QSOX1: variants seen among roughly 807,000 people sequenced by gnomAD.
QSOX1 encodes the protein sulfhydryl oxidase 1.
Under a neutral mutation model 76.1 loss-of-function variants are expected in QSOX1, and 40 were observed. The ratio of observed to expected loss-of-function variants is 0.53; its 90% confidence interval spans 0.41 to 0.68. The LOEUF is 0.68. QSOX1 is among the 30% of genes least tolerant of loss of function. The pLI, the probability that QSOX1 is intolerant of heterozygous loss-of-function variation, is 0.00. For missense variants in QSOX1, 931 were observed against 974.3 expected (o/e 0.96, Z 0.59); for synonymous variants, 392 against 413.1 (o/e 0.95, Z 0.62).
chr1:180,177,551 A>G (rs751130567), intron 4 of QSOX1, among the ~76,000 whole-genome samples: 1 of 152,218 alleles, frequency 6.6e-6, no homozygotes, highest in African/African-American at 2.4e-5. Flanking sequence ...CACTGCACCC[A>G]GCCCAAAGCA....
intron 8 of QSOX1, among the ~76,000 whole-genome samples, chr1:180,186,567 G>C (rs373132995): frequency 6.6e-6 from 1 of 152,194 alleles, no homozygotes; most frequent in Non-Finnish European, 1.5e-5. Flanking sequence ...ACACCCTGGC[G>C]AAGGAGAGGA....
chr1:180,195,975 A>G (rs1319355969), intron 11 of QSOX1, among the ~76,000 whole-genome samples: 2 of 152,162 alleles, frequency 1.3e-5, no homozygotes, highest in African/African-American at 4.8e-5. Flanking sequence ...GGTCTGGCCA[A>G]CACCGGGAAA....
At chr1:180,190,348 A>C in intron 9 of QSOX1, 85 bp from the exon 10 acceptor site, 1 of 1,457,734 alleles carries the variant, frequency 6.9e-7, no homozygotes, top group Non-Finnish European at 9.5e-7. Flanking sequence ...CATTTGTCTT[A>C]GGGCTGTCTC....
chr1:180,196,165 G>T lies in QSOX1; in HGVS notation c.1469-97G>T. On this transcript the variant is annotated intron_variant, in intron 11 of 11. Coordinates refer to ENST00000367602, the MANE Select transcript of QSOX1 (RefSeq NM_002826.5). This position sits in a 1 kb window ranked among gnomAD's most constrained non-coding sequence, Gnocchi z 4.1. ...GGAAGGGCAGTGGCGAGCCCTTTCT[G>T]CAGACAAGGAAGCTGGCGTTCTGAG... is the stretch of plus-strand genomic sequence containing the variant. The T allele has an allele frequency of 6.9e-7, 1 of 1,446,758 alleles. No individual in the cohort carries two copies. The highest frequency in any genetic ancestry group is 9.3e-7 in the Non-Finnish European group (1 of 1,071,480). 89.6% of individuals were successfully genotyped at this position (1,446,758 alleles called of 1,614,324 possible).
intron 1 of QSOX1, among the ~76,000 whole-genome samples, chr1:180,158,953 C>T (rs1041914611): frequency 3.9e-5 from 6 of 152,218 alleles, no homozygotes; most frequent in Admixed American, 1.3e-4. Context: ...GTGGAGCTCA[C>T]GGTGCTGCAG....
At chr1:180,166,878 C>G (rs956146839) in intron 2 of QSOX1, among the ~76,000 whole-genome samples, 1 of 152,188 alleles carries the variant, frequency 6.6e-6, no homozygotes, top group African/African-American at 2.4e-5. Flanking sequence ...GCCTAGTGGT[C>G]CCCCACAAAG....
At chr1:180,177,907 G>A (rs1160132988) in intron 4 of QSOX1, among the ~76,000 whole-genome samples, 1 of 151,984 alleles carries the variant, frequency 6.6e-6, no homozygotes, top group Non-Finnish European at 1.5e-5. Context: ...TTGGAAACTG[G>A]GCCTCAGTTT....
chr1:180,173,311 T>TGAAAATACATG lies in QSOX1; in HGVS notation c.367-2010_367-2009insGAAAATACATG, dbSNP rs368090159. ...AAACCCCAAATAGATGTATCTTCAATTTTGTTCATGAAAAAGTGTCAGTCC... is the reference window on the plus strand; with the variant it reads ...AAACCCCAAATAGATGTATCTTCAATGAAAATACATGTTTGTTCATGAAAAAGTGTCAGTCC... On this transcript the variant is annotated intron_variant, in intron 2 of 11. Transcript: ENST00000367602. 6.1e-3 allele frequency among the ~76,000 whole-genome samples: 924 copies of TGAAAATACATG among 152,212 alleles called. 9 individuals are homozygous for TGAAAATACATG. Among genetic ancestry groups the TGAAAATACATG allele is most frequent in the African/African-American group, 0.021 (874 of 41,518 alleles).
chr1:180,183,920 A>G lies in QSOX1; in HGVS notation c.757A>G (p.Met253Val). Residue 253 changes from methionine (M) to valine (V), a missense_variant, in exon 7 of 12, where the codon ATG becomes GTG. Met to Val is a conservative substitution (Grantham distance 21). Transcript: ENST00000367602. The part of the protein sequence containing the change: ...NGSVSRVPVL[M>V]ESRSFYTAYL... ...CCTGGTTCTGTGCCCTCACAGGCTC[A>G]TGGAATCCAGGTCCTTCTATACCGC... is the stretch of plus-strand genomic sequence containing the variant. 1 of 1,613,448 alleles carries G rather than the reference A, an allele frequency of 6.2e-7. No homozygotes were observed. The highest frequency in any genetic ancestry group is 8.5e-7 in the Non-Finnish European group (1 of 1,179,478).
chr1:180,166,653 A>G lies in QSOX1; in HGVS notation c.366+62A>G, dbSNP rs1004249475. 3.1e-5 allele frequency: 46 copies of G among 1,504,062 alleles called. 1 individual carries two copies. The South Asian group carries it at 4.3e-4, about 14-fold the overall frequency. The allele number at this position is 1,504,062 out of a possible 1,614,324, so 93.2% of individuals were successfully genotyped here. ...TGCTTTGTTTCCCTTTATAAGGGAA[A>G]GGGACCATGTGGGATGTGTCGGGAT... On this transcript the variant is annotated intron_variant, in intron 2 of 11. Transcript: ENST00000367602.
At chr1:180,194,021 T>C (rs1302395730) in intron 10 of QSOX1, among the ~76,000 whole-genome samples, 192 bp from the exon 11 acceptor site, 3 of 151,986 alleles carry the variant, frequency 2.0e-5, no homozygotes, top group Non-Finnish European at 2.9e-5. Context: ...TGGGGTCTCC[T>C]GTAAAGTGAC....
At chr1:180,172,232 G>A (rs3767184) in intron 2 of QSOX1, among the ~76,000 whole-genome samples, 109,701 of 152,074 alleles carry the variant, frequency 0.72, 41,740 homozygotes, top group Non-Finnish European at 0.85. Context: ...CTAGTTGGGC[G>A]GCTGTAGTAG....
intron 1 of QSOX1, among the ~76,000 whole-genome samples, chr1:180,159,344 G>C (rs1174960517): frequency 6.6e-6 from 1 of 152,206 alleles, no homozygotes; most frequent in South Asian, 2.1e-4. Flanking sequence ...CTGTCACCCA[G>C]CTCTGCATTG....
intron 8 of QSOX1, 95 bp downstream of exon 8, chr1:180,186,277 A>G: frequency 2.0e-6 from 3 of 1,503,746 alleles, no homozygotes; most frequent in Non-Finnish European, 2.7e-6. Context: ...CCCTCCCTCC[A>G]GAAGCCCATG....
At position 180,196,503 on chromosome 1, in the gene QSOX1, G is replaced by A. The variant is rs760020734; in HGVS notation, c.1710G>A (p.Glu570=). 1 of 1,614,080 alleles carries A rather than the reference G, an allele frequency of 6.2e-7. No homozygotes were observed. The highest frequency in any genetic ancestry group is 8.5e-7 in the Non-Finnish European group (1 of 1,179,976). ...AAPELAMGAL[E]LESRNSTLDP... is the part of the protein sequence containing the mutation. Reference sequence around the variant, plus strand: ...CAGAGCTGGCGATGGGAGCCCTGGAGCTGGAAAGCCGGAATTCAACTCTGG... The same window carrying A: ...CAGAGCTGGCGATGGGAGCCCTGGAACTGGAAAGCCGGAATTCAACTCTGG... The change falls in exon 12 of 12, where the codon GAG becomes GAA. Residue 570 remains glutamate (E), a synonymous_variant. Transcript: ENST00000367602. This position sits in a 1 kb window ranked among gnomAD's most constrained non-coding sequence, Gnocchi z 4.1.
chr1:180,163,161 G>T (rs1662533782), intron 1 of QSOX1, among the ~76,000 whole-genome samples: 1 of 150,352 alleles, frequency 6.7e-6, no homozygotes, highest in Non-Finnish European at 1.5e-5. Context: ...AAAACTATAA[G>T]TTAGCCCATT....
At chr1:180,189,446 G>GCCCCCCCCCCCCCCCCCCCC in intron 8 of QSOX1, 106 bp from the exon 9 acceptor site, 1 of 118,100 alleles carries the variant, frequency 8.5e-6, no homozygotes. Context: ...ACTGCCCCCC[G>GCCCCCCCCCCCCCCCCCCCC]CCCCCCGCCC....
In QSOX1 at chr1:180,190,454, G is replaced by T. The variant is rs149960435; in HGVS notation, c.1162G>T (p.Val388Leu). The T allele has an allele frequency of 1.2e-6, 2 of 1,613,990 alleles. No homozygotes were observed. Among genetic ancestry groups the T allele is most frequent in the African/African-American group, 1.3e-5 (1 of 75,046 alleles). Residue 388 changes from valine to leucine, a missense_variant, in exon 10 of 12, where the codon GTG (valine) becomes TTG (leucine). By Grantham distance (32) the Val-to-Leu change is conservative. Coordinates refer to ENST00000367602, the MANE Select transcript of QSOX1 (RefSeq NM_002826.5). ...TCAGGGTGCCGTTCTTGCCAAGAAG[G>T]TGAACTGGATTGGCTGCCAGGGGAG... ...RKEGAVLAKKVNWIGCQGSEP... is the reference protein window; with the variant it reads ...RKEGAVLAKKLNWIGCQGSEP...
intron 1 of QSOX1, among the ~76,000 whole-genome samples, chr1:180,159,837 A>G (rs577904833): frequency 9.9e-5 from 15 of 152,282 alleles, no homozygotes; most frequent in Admixed American, 7.2e-4. Flanking sequence ...GTCCCAACCA[A>G]TGGCCTCCTA....
Sources: allele counts gnomAD v4.1 joint callset (sites outside exome capture counted in the v4.1 genomes callset), GRCh38; gene constraint gnomAD v4.1.1; non-coding constraint Gnocchi (gnomAD v3.1); transcripts MANE v1.5; gene names NCBI Gene and HGNC (gene_info 2026-07-23, HGNC 2026-07-21).